Variants in C6 observed in about 807,000 individuals in gnomAD.
C6 encodes complement component C6.
C6 carries 101 observed loss-of-function variants against 112.9 expected under a neutral mutation model. The ratio of observed to expected loss-of-function variants is 0.89; its 90% CI spans 0.76 to 1.06. The LOEUF (loss-of-function observed/expected upper bound fraction) is 1.06. Among genes scored for constraint, C6 ranks in the 50% least tolerant of loss-of-function variants. The probability of loss-of-function intolerance (pLI) is 0.00; values close to 1 mark genes in which losing one functional copy is unlikely to be tolerated. For synonymous variants in C6, 431 were observed against 384.1 expected (o/e 1.12, Z -1.43); for missense variants, 1,202 against 1,104.6 (o/e 1.09, Z -1.25).
chr5:41,168,506 C>G (rs1416281703), intron 9 of C6, among the ~76,000 whole-genome samples: 1 of 152,150 alleles, frequency 6.6e-6, no homozygotes, highest in Non-Finnish European at 1.5e-5. Context: ...TGACGATGCT[C>G]CTACTCATTC....
chr5:41,218,449 A>C (rs987827377), upstream of C6, among the ~76,000 whole-genome samples: 4 of 152,188 alleles, frequency 2.6e-5, no homozygotes, highest in African/African-American at 9.7e-5. Context: ...AGGAGAGAGA[A>C]AACAAAATAA....
At chr5:41,158,869 G>T in intron 12 of C6, 84 bp from the exon 13 acceptor site, 1 of 970,888 alleles carries the variant, frequency 1.0e-6, no homozygotes, top group Non-Finnish European at 1.7e-6. Context: ...GTATACATGT[G>T]TACACATTGC....
At chr5:41,179,460 A>G (rs1041057574) in intron 7 of C6, among the ~76,000 whole-genome samples, 2 of 151,922 alleles carry the variant, frequency 1.3e-5, no homozygotes, top group African/African-American at 4.8e-5. Context: ...GCTATATTAT[A>G]CTGAGCTAGG....
chr5:41,169,036 G>A (rs1465146054), intron 9 of C6, among the ~76,000 whole-genome samples: 1 of 152,078 alleles, frequency 6.6e-6, no homozygotes, highest in African/African-American at 2.4e-5. Context: ...AGAAAGAGTG[G>A]TAGACAAAAG....
At chr5:41,191,225 C>A (rs774431225) in intron 5 of C6, among the ~76,000 whole-genome samples, 4 of 151,844 alleles carry the variant, frequency 2.6e-5, no homozygotes, top group Non-Finnish European at 5.9e-5. Context: ...CACCACCACG[C>A]CTGGCTAATT....
At chr5:41,248,709 T>A (rs1741166283) in intron 1 of C6, among the ~76,000 whole-genome samples, 1 of 152,206 alleles carries the variant, frequency 6.6e-6, no homozygotes, top group Non-Finnish European at 1.5e-5. Context: ...AATGGATGCT[T>A]ATACGCTGCT....
intron 8 of C6, 149 bp downstream of exon 8, chr5:41,176,326 G>A (rs1748840454): frequency 1.3e-6 from 1 of 795,952 alleles, no homozygotes; most frequent in Non-Finnish European, 1.9e-6. Context: ...TTATTTGAAT[G>A]TGTATTTTTT....
chr5:41,170,851 A>G (rs1748372133), intron 9 of C6, among the ~76,000 whole-genome samples: 1 of 152,132 alleles, frequency 6.6e-6, no homozygotes, highest in Non-Finnish European at 1.5e-5. Context: ...ACAGAGAGGA[A>G]GGAGTTATTT....
intron 1 of C6, chr5:41,203,845 T>C (rs1163223982): frequency 6.4e-6 from 1 of 156,268 alleles, no homozygotes; most frequent in African/African-American, 2.4e-5. Flanking sequence ...AGTGCAATAG[T>C]GTTGAGGCTG....
At chr5:41,235,180 C>A (rs1384790733) in intron 1 of C6, among the ~76,000 whole-genome samples, 1 of 142,658 alleles carries the variant, frequency 7.0e-6, no homozygotes, top group Non-Finnish European at 1.5e-5. Flanking sequence ...CACCCACTAA[C>A]GTGTCATCTA....
At chr5:41,209,044 C>T (rs1192768511) in intron 1 of C6, among the ~76,000 whole-genome samples, 7 of 152,184 alleles carry the variant, frequency 4.6e-5, no homozygotes, top group African/African-American at 1.7e-4. Context: ...GGCTTCACCC[C>T]TGGGATGCAA....
chr5:41,173,090 G>A (rs896124915), intron 8 of C6, among the ~76,000 whole-genome samples: 3 of 152,098 alleles, frequency 2.0e-5, no homozygotes, highest in African/African-American at 7.2e-5. Context: ...ATCTCCAGCA[G>A]AAGTTCAAAA....
intron 11 of C6, 138 bp downstream of exon 11, chr5:41,160,004 T>G: frequency 1.4e-6 from 1 of 720,868 alleles, no homozygotes; most frequent in South Asian, 1.6e-5. Flanking sequence ...CTCACACTTT[T>G]TGCAGGTTTA....
At chr5:41,251,733 T>C (rs1047988823) in intron 1 of C6, among the ~76,000 whole-genome samples, 2 of 152,250 alleles carry the variant, frequency 1.3e-5, no homozygotes, top group Admixed American at 6.5e-5. Flanking sequence ...TTCTTGAAGC[T>C]GCAATGTAGG....
rs1554035629 is a variant in C6, at chr5:41,234,352, T to TTTG, written c.-21+26841_-21+26842insCAA. ...TCTACCCTTTCGTTTTTTTTTTTGT[T>TTTG]TTTTGTTTTTTGTTTTTTTTTTTTG... is the stretch of plus-strand genomic sequence containing the variant. On this transcript the variant is annotated intron_variant, in intron 1 of 17. Coordinates refer to the C6 transcript ENST00000263413. 4.0e-3 allele frequency among the ~76,000 whole-genome samples: 557 copies of TTTG among 139,842 alleles called. 7 individuals are homozygous for TTTG. Among genetic ancestry groups the TTTG allele is most frequent in the African/African-American group, 0.017 (531 of 32,020 alleles). The allele number at this position is 139,842 out of a possible 152,430, so 91.7% of individuals were successfully genotyped here. A position where few individuals can be genotyped will look rare whatever the true frequency, so the allele number is the denominator to read the frequency against.
chr5:41,225,500 C>T (rs914388871), intron 1 of C6, among the ~76,000 whole-genome samples: 6 of 150,910 alleles, frequency 4.0e-5, no homozygotes, highest in African/African-American at 7.5e-5. Context: ...CAAGTCTTTG[C>T]TATTGTGAAT....
chr5:41,229,765 A>G (rs1241253784), intron 1 of C6, among the ~76,000 whole-genome samples: 1 of 152,166 alleles, frequency 6.6e-6, no homozygotes, highest in Admixed American at 6.6e-5. Context: ...GTTACTGTTA[A>G]CAGTGGGGTA....
At chr5:41,150,875 G>A (rs2150234792) in intron 15 of C6, among the ~76,000 whole-genome samples, 1 of 136,842 alleles carries the variant, frequency 7.3e-6, no homozygotes, top group East Asian at 2.1e-4. Flanking sequence ...AACAGAGTAA[G>A]ACTCTGTCTA....
intron 5 of C6, among the ~76,000 whole-genome samples, chr5:41,192,916 G>T (rs1750329041): frequency 6.6e-6 from 1 of 152,080 alleles, no homozygotes; most frequent in African/African-American, 2.4e-5. Flanking sequence ...ATGTACAAAG[G>T]TTTTACTTTG....
Sources: gnomAD v4.1 joint callset for allele counts (sites outside exome capture counted in the v4.1 genomes callset) on GRCh38, gnomAD v4.1.1 for gene constraint, MANE v1.5 for transcripts, NCBI Gene and HGNC (gene_info 2026-07-23, HGNC 2026-07-21) for gene names.